FBXW2: variants seen among roughly 807,000 people sequenced by gnomAD.
FBXW2 encodes the protein F-box/WD repeat-containing protein 2.
In FBXW2, 12 loss-of-function variants were observed where a neutral mutation model predicts 46.0. That is an observed-to-expected ratio of 0.26 (90% CI 0.17 to 0.42). The LOEUF (loss-of-function observed/expected upper bound fraction) is 0.42, where lower values mean the gene tolerates loss of function less well. Ranked by LOEUF, FBXW2 falls within the 10% of genes least tolerant of loss-of-function variation. The pLI is 1.00. For missense variants in FBXW2, 360 were observed against 537.0 expected (o/e 0.67, Z 3.26); for synonymous variants, 203 against 209.6 (o/e 0.97, Z 0.27).
At position 120,759,443 on chromosome 9, in the gene FBXW2, C is replaced by T. The variant is rs942587803; in HGVS notation, c.*5116G>A. On this transcript the variant is annotated 3_prime_UTR_variant, in exon 8 of 8. Transcript: ENST00000608872. ...AAGCAACCTCTTCTTCCCCCTACCCCACACAGTTCAAATATAAACTTTATC... is the reference window on the plus strand; with the variant it reads ...AAGCAACCTCTTCTTCCCCCTACCCTACACAGTTCAAATATAAACTTTATC... 3 of 152,208 alleles carry T rather than the reference C, an allele frequency of 2.0e-5. No individual in the cohort carries two copies. Among genetic ancestry groups the T allele is most frequent in the Non-Finnish European group, 4.4e-5 (3 of 68,046 alleles). The allele number at this position is 152,208 out of a possible 1,614,324, so 9.4% of individuals were successfully genotyped here.
chr9:120,787,653 C>G, intron 3 of FBXW2, 116 bp downstream of exon 3: 5 of 1,103,740 alleles, frequency 4.5e-6, no homozygotes, highest in Non-Finnish European at 6.4e-6. Context: ...GAAAAAAAGT[C>G]ACTGTACATA....
intron 3 of FBXW2, among the ~76,000 whole-genome samples, chr9:120,781,084 A>C (rs1036428924): frequency 3.3e-5 from 5 of 152,136 alleles, no homozygotes; most frequent in Admixed American, 6.5e-5. Context: ...CCTAAGGATG[A>C]ATAAGTTAGC....
chr9:120,779,975 A>G (rs2044575705), intron 3 of FBXW2, among the ~76,000 whole-genome samples: 1 of 151,990 alleles, frequency 6.6e-6, no homozygotes, highest in African/African-American at 2.4e-5. Flanking sequence ...CCCTGTCTCT[A>G]CTAAAATAAA....
In FBXW2 at chr9:120,793,352, A is replaced by C. The variant is rs1588057266; in HGVS notation, c.-130+2T>G. ...CCGACCGGCCCCGCCTCGCATACAG[A>C]CCCGGACCTGCGGCCGCTGCTCCCG... On this transcript the variant is annotated splice_donor_variant, in intron 1 of 7. Coordinates refer to ENST00000608872, the MANE Select transcript of FBXW2 (RefSeq NM_012164.4). LOFTEE classifies it low-confidence loss of function (5UTR_SPLICE). The C allele has an allele frequency of 2.7e-5, 11 of 403,484 alleles. No individual in the cohort carries two copies. The East Asian group carries it at 3.9e-4, about 14-fold the overall frequency. 25.0% of individuals were successfully genotyped at this position (403,484 alleles called of 1,614,324 possible).
rs113739082 is a variant in FBXW2, at chr9:120,771,350, G to T, written c.1074C>A (p.Leu358=). 5.5e-5 allele frequency: 89 copies of T among 1,609,146 alleles called. 1 individual carries two copies. In the African/African-American group the frequency reaches 1.0e-3, roughly 18 times the overall value. Residue 358 remains leucine, a splice_region_variant and synonymous_variant, in exon 7 of 8, where the codon CTC becomes CTA. Coordinates refer to ENST00000608872, the MANE Select transcript of FBXW2 (RefSeq NM_012164.4). ...YQWDFASYDI[L]RVIKTPEIAN... is the part of the protein sequence containing the mutation. ...CGTGAGGTCGAAGGAAACATTACCT[G>T]AGAATATCATAACTGGCAAAGTCCC...
chr9:120,769,833 C>G (rs2131295780), intron 7 of FBXW2, among the ~76,000 whole-genome samples: 1 of 152,340 alleles, frequency 6.6e-6, no homozygotes, highest in South Asian at 2.1e-4. Context: ...GTTTCCCTAC[C>G]TACAAGAGGA....
chr9:120,759,446 A>G lies in FBXW2; in HGVS notation c.*5113T>C, dbSNP rs534756115. 3 of 152,338 alleles carry G rather than the reference A, an allele frequency of 2.0e-5. No individual in the cohort carries two copies. Among genetic ancestry groups the G allele is most frequent in the African/African-American group, 7.2e-5 (3 of 41,572 alleles). 9.4% of individuals were successfully genotyped at this position (152,338 alleles called of 1,614,324 possible). ...CAACCTCTTCTTCCCCCTACCCCAC[A>G]CAGTTCAAATATAAACTTTATCTCA... On this transcript the variant is annotated 3_prime_UTR_variant, in exon 8 of 8. Coordinates refer to ENST00000608872, the MANE Select transcript of FBXW2 (RefSeq NM_012164.4).
At chr9:120,771,576 C>T (rs553814728) in intron 6 of FBXW2, 59 bp from the exon 7 acceptor site, 2 of 1,468,562 alleles carry the variant, frequency 1.4e-6, no homozygotes, top group Admixed American at 2.1e-5. Flanking sequence ...AAAAGCTTGT[C>T]CTTAAAATGG....
chr9:120,780,190 A>G (rs1288643066), intron 3 of FBXW2, among the ~76,000 whole-genome samples: 1 of 151,132 alleles, frequency 6.6e-6, no homozygotes, highest in Non-Finnish European at 1.5e-5. Context: ...CCCTGTCTCC[A>G]CTAAAAAAAA....
At chr9:120,790,964 ACT>A (rs2044827404) in intron 2 of FBXW2, among the ~76,000 whole-genome samples, 1 of 152,070 alleles carries the variant, frequency 6.6e-6, no homozygotes, top group African/African-American at 2.4e-5. Context: ...AATTTTCCCA[ACT>A]CTTAGATTGC....
In FBXW2 at chr9:120,787,762, C is replaced by T. The variant is rs748420621; in HGVS notation, c.490+7G>A. On this transcript the variant is annotated splice_region_variant and intron_variant, in intron 3 of 7. Coordinates refer to ENST00000608872, the MANE Select transcript of FBXW2 (RefSeq NM_012164.4). ...AAAACCCAAAAAGCAGTTTCAACAT[C>T]TCTTACCTGTACAGAGAAGTCCATC... is the stretch of plus-strand genomic sequence containing the variant. 6.2e-7 allele frequency: 1 copy of T among 1,605,214 alleles called. No individual in the cohort carries two copies. The highest frequency in any genetic ancestry group is 8.5e-7 in the Non-Finnish European group (1 of 1,176,490).
intron 7 of FBXW2, among the ~76,000 whole-genome samples, chr9:120,767,957 C>G (rs754940536): frequency 2.0e-5 from 3 of 152,238 alleles, no homozygotes; most frequent in Non-Finnish European, 2.9e-5. Flanking sequence ...CTCCCCACAT[C>G]TACTTAGTCC....
At chr9:120,781,892 G>A (rs748803952) in intron 3 of FBXW2, among the ~76,000 whole-genome samples, 8 of 151,200 alleles carry the variant, frequency 5.3e-5, no homozygotes, top group African/African-American at 4.9e-5. Context: ...GCGTGGTGGC[G>A]CACGCCTGTA....
chr9:120,781,961 T>G (rs1225124068), intron 3 of FBXW2, among the ~76,000 whole-genome samples: 1 of 146,860 alleles, frequency 6.8e-6, no homozygotes, highest in African/African-American at 2.5e-5. Context: ...AGGCGGAGGT[T>G]GCGGTGAGCC....
chr9:120,782,110 A>G (rs1181801761), intron 3 of FBXW2, among the ~76,000 whole-genome samples: 3 of 152,026 alleles, frequency 2.0e-5, no homozygotes, highest in Non-Finnish European at 4.4e-5. Context: ...TAAGCCAGCC[A>G]CAAAAGAACA....
rs534227283 is a variant in FBXW2, at chr9:120,768,752, G to A, written c.1076+2596C>T. 5.6e-3 allele frequency among the ~76,000 whole-genome samples: 840 copies of A among 151,114 alleles called. 12 individuals carry two copies. Among genetic ancestry groups the A allele is most frequent in the African/African-American group, 0.019 (792 of 41,056 alleles). On this transcript the variant is annotated intron_variant, in intron 7 of 7. Transcript: ENST00000608872. ...CAGGAGAATCGCTTGAACCTGGGAG[G>A]CAGAGGTTGCAGTGAGCCGAGATCA... is the stretch of plus-strand genomic sequence containing the variant.
chr9:120,775,767 T>C (rs1206083440), intron 5 of FBXW2, among the ~76,000 whole-genome samples: 3 of 152,176 alleles, frequency 2.0e-5, no homozygotes, highest in South Asian at 2.1e-4. Flanking sequence ...CCACCAGAAA[T>C]ACCCACCTTC....
rs544433265 is a variant in FBXW2 at position 120,762,671 on chromosome 9, T to C, written c.*1888A>G. On this transcript the variant is annotated 3_prime_UTR_variant, in exon 8 of 8. Transcript: ENST00000608872. ...ATGCTAATGCAGATTCTGCAAGAGA[T>C]AGGTCCCCACTCTAGAGTTCACATC... 20 of 152,382 alleles carry C rather than the reference T, an allele frequency of 1.3e-4. No homozygotes were observed. Among genetic ancestry groups the C allele is most frequent in the African/African-American group, 4.6e-4 (19 of 41,584 alleles). The allele number at this position is 152,382 out of a possible 1,614,324, so 9.4% of individuals were successfully genotyped here. A position where few individuals can be genotyped will look rare whatever the true frequency, so the allele number is the denominator to read the frequency against.
At chr9:120,771,668 C>A in intron 6 of FBXW2, 151 bp from the exon 7 acceptor site, 1 of 644,364 alleles carries the variant, frequency 1.6e-6, no homozygotes, top group Admixed American at 3.0e-5. Context: ...AGGTTCAAGT[C>A]TTAATTCTCC....
Sources: gnomAD v4.1 joint callset for allele counts (sites outside exome capture counted in the v4.1 genomes callset) on GRCh38, gnomAD v4.1.1 for gene constraint, MANE v1.5 for transcripts, NCBI Gene and HGNC (gene_info 2026-07-23, HGNC 2026-07-21) for gene names.